The following ANKS1B variants were observed in gnomAD, a reference collection of about 807,000 sequenced individuals.
ANKS1B encodes the protein ankyrin repeat and sterile alpha motif domain-containing protein 1B.
Under a neutral mutation model 148.3 loss-of-function variants are expected in ANKS1B, and 36 were observed. The ratio of observed to expected loss-of-function variants is 0.24; its 90% CI spans 0.19 to 0.32. ANKS1B has a LOEUF of 0.32. ANKS1B is among the 10% of genes least tolerant of loss of function. The probability of loss-of-function intolerance (pLI) is 1.00; values close to 1 mark genes in which losing one functional copy is unlikely to be tolerated. For synonymous variants in ANKS1B, 542 were observed against 560.8 expected (o/e 0.97, Z 0.47); for missense variants, 1,157 against 1,542.6 (o/e 0.75, Z 4.19).
intron 12 of ANKS1B, among the ~76,000 whole-genome samples, chr12:99,293,318 A>AG (rs1227311874): frequency 1.2e-4 from 16 of 135,990 alleles, no homozygotes; most frequent in African/African-American, 4.5e-4. Context: ...ACCTGGACAC[A>AG]GGGTGGGGAA....
At position 99,023,613 on chromosome 12, in the gene ANKS1B, G is replaced by T. The variant is rs577271034; in HGVS notation, c.2778+29544C>A. Among the ~76,000 whole-genome samples, 76 of 151,902 alleles carry T rather than the reference G, an allele frequency of 5.0e-4. 1 individual carries two copies. The highest frequency in any genetic ancestry group is 1.8e-3 in the African/African-American group (76 of 41,496). ...TGCACTGTGTAATGGCTCTAGTTGT[G>T]AGTTTCTTTTTATTTACCCTATTTA... On this transcript the variant is annotated intron_variant, in intron 17 of 26. Transcript: ENST00000683438.
At chr12:98,800,909 T>C (rs2098999761) in intron 21 of ANKS1B, 88 bp downstream of exon 21, 1 of 1,428,038 alleles carries the variant, frequency 7.0e-7, no homozygotes, top group Non-Finnish European at 9.4e-7. Flanking sequence ...ATGGATATTT[T>C]GGTATATTTT....
At chr12:98,783,789 C>A (rs967781316) in intron 22 of ANKS1B, among the ~76,000 whole-genome samples, 1 of 152,060 alleles carries the variant, frequency 6.6e-6, no homozygotes. Flanking sequence ...AGTTAGGGTC[C>A]GTTGGAAGCT....
intron 15 of ANKS1B, among the ~76,000 whole-genome samples, chr12:99,130,995 T>C (rs1038876214): frequency 2.0e-5 from 3 of 152,212 alleles, no homozygotes; most frequent in African/African-American, 4.8e-5. Flanking sequence ...AAGACTTCTA[T>C]GACACGCCAC....
intron 9 of ANKS1B, among the ~76,000 whole-genome samples, chr12:99,557,965 C>G (rs1301566036): frequency 6.6e-6 from 1 of 152,180 alleles, no homozygotes; most frequent in Non-Finnish European, 1.5e-5. Flanking sequence ...TGCTCTAACT[C>G]TTATGGGCGT....
At chr12:98,760,699 A>G (rs2098385868) in intron 25 of ANKS1B, among the ~76,000 whole-genome samples, 1 of 152,206 alleles carries the variant, frequency 6.6e-6, no homozygotes, top group Admixed American at 6.5e-5. Flanking sequence ...CTTCTCAGTG[A>G]GACTTTGAAG....
intron 8 of ANKS1B, among the ~76,000 whole-genome samples, chr12:99,698,363 G>T (rs2153516015): frequency 6.6e-6 from 1 of 152,204 alleles, no homozygotes; most frequent in Non-Finnish European, 1.5e-5. Flanking sequence ...TGGCATTGCT[G>T]GTATTGTACA....
At position 98,814,266 on chromosome 12, in the gene ANKS1B, C is replaced by T. The variant is rs114407379; in HGVS notation, c.3067-6348G>A. Among the ~76,000 whole-genome samples the T allele has an allele frequency of 2.0e-3, 312 of 152,216 alleles. 1 individual carries two copies. The highest frequency in any genetic ancestry group is 6.8e-3 in the African/African-American group (281 of 41,524). On this transcript the variant is annotated intron_variant, in intron 19 of 26. Coordinates refer to ENST00000683438, the MANE Select transcript of ANKS1B (RefSeq NM_001352186.2). ...TTCACCAAGTTGTTGTGCAGCTTCA[C>T]GAGAGAGGAAACTTTTTCACAGCTA...
chr12:99,059,512 G>T (rs1038562231), intron 16 of ANKS1B, among the ~76,000 whole-genome samples: 1 of 152,042 alleles, frequency 6.6e-6, no homozygotes, highest in African/African-American at 2.4e-5. Context: ...TCAAGAACCA[G>T]TTCCAGATAG....
chr12:99,339,786 G>A (rs999448424), intron 12 of ANKS1B, among the ~76,000 whole-genome samples: 8 of 152,070 alleles, frequency 5.3e-5, no homozygotes, highest in Admixed American at 4.6e-4. Flanking sequence ...CCCTGACCTT[G>A]GCTTTTGACA....
intron 17 of ANKS1B, among the ~76,000 whole-genome samples, chr12:99,047,736 A>C (rs149000874): frequency 1.3e-5 from 2 of 152,206 alleles, no homozygotes; most frequent in African/African-American, 4.8e-5. Context: ...TGTTTCATGA[A>C]TGAAGGCAAA....
At chr12:99,056,731 C>T (rs917622214) in intron 16 of ANKS1B, among the ~76,000 whole-genome samples, 1 of 152,160 alleles carries the variant, frequency 6.6e-6, no homozygotes, top group African/African-American at 2.4e-5. Context: ...CTGAAAATGA[C>T]CTGTATATGA....
chr12:99,596,957 A>C (rs1361824576), intron 9 of ANKS1B, among the ~76,000 whole-genome samples: 1 of 151,914 alleles, frequency 6.6e-6, no homozygotes, highest in African/African-American at 2.4e-5. Context: ...CTAGGAGTGG[A>C]ATTGCTGAGT....
At chr12:99,242,163 T>C (rs993186293) in intron 14 of ANKS1B, among the ~76,000 whole-genome samples, 1 of 152,086 alleles carries the variant, frequency 6.6e-6, no homozygotes, top group Non-Finnish European at 1.5e-5. Context: ...TAGCCCAAAA[T>C]CTCCTTAAGC....
At chr12:99,964,035 G>C (rs566689144) in intron 1 of ANKS1B, among the ~76,000 whole-genome samples, 35 of 152,128 alleles carry the variant, frequency 2.3e-4, no homozygotes, top group Admixed American at 4.6e-4. Context: ...TTATGATAAA[G>C]AAAGACCTTC....
downstream of ANKS1B, among the ~76,000 whole-genome samples, chr12:98,742,964 A>C (rs894024651): frequency 9.2e-5 from 14 of 152,214 alleles, no homozygotes; most frequent in African/African-American, 2.7e-4. Flanking sequence ...GAACCTTCAG[A>C]TCGACTAGCC....
intron 9 of ANKS1B, among the ~76,000 whole-genome samples, chr12:99,560,840 C>CTTTTTTTTTTTTTTTTTT (rs58588885): frequency 4.2e-5 from 3 of 71,928 alleles, no homozygotes; most frequent in African/African-American, 9.7e-5. Context: ...TTTCTTTTTT[C>CTTTTTTTTTTTTTTTTTT]TTTTTTTTTT....
At chr12:99,429,659 C>T (rs927777184) in intron 11 of ANKS1B, among the ~76,000 whole-genome samples, 2 of 152,106 alleles carry the variant, frequency 1.3e-5, no homozygotes, top group African/African-American at 4.8e-5. Context: ...GATAAATATC[C>T]TTGTTTGTAA....
intron 1 of ANKS1B, among the ~76,000 whole-genome samples, chr12:99,884,858 C>T (rs1323779641): frequency 6.6e-6 from 1 of 151,838 alleles, no homozygotes; most frequent in African/African-American, 2.4e-5. Flanking sequence ...AACTCATAGA[C>T]CTGTACACCA....
Sources: allele counts gnomAD v4.1 joint callset (sites outside exome capture counted in the v4.1 genomes callset), GRCh38; gene constraint gnomAD v4.1.1; transcripts MANE v1.5; gene names NCBI Gene and HGNC (gene_info 2026-07-23, HGNC 2026-07-21).